RHBDL3: variants seen among roughly 807,000 people sequenced by gnomAD.
RHBDL3 encodes rhomboid like 3.
In RHBDL3, 28 loss-of-function variants were observed where a neutral mutation model predicts 48.2. The observed-to-expected ratio is 0.58, with a 90% CI of 0.43 to 0.80. The LOEUF is 0.80. Among genes scored for constraint, RHBDL3 ranks in the 30% least tolerant of loss-of-function variants. RHBDL3 has a pLI of 0.00. For missense variants in RHBDL3, 464 were observed against 542.7 expected, an observed-to-expected ratio of 0.85 and a Z score of 1.44; for synonymous variants, 208 against 232.3, an observed-to-expected ratio of 0.90 and a Z score of 0.95.
intron 3 of RHBDL3, chr17:32,288,479 T>A (rs1405394583): frequency 2.5e-5 from 9 of 360,532 alleles, no homozygotes; most frequent in Non-Finnish European, 3.6e-5. Flanking sequence ...GGAGCCTTAC[T>A]GAGTGTGAAC....
intron 2 of RHBDL3, among the ~76,000 whole-genome samples, chr17:32,269,887 C>G (rs893038260): frequency 1.3e-5 from 2 of 152,040 alleles, no homozygotes; most frequent in Non-Finnish European, 1.5e-5. Context: ...TTTTGGAACT[C>G]AAGGGAGCAG....
chr17:32,320,163 G>T (rs1268968914), intron 8 of RHBDL3, among the ~76,000 whole-genome samples: 1 of 151,916 alleles, frequency 6.6e-6, no homozygotes, highest in Non-Finnish European at 1.5e-5. Context: ...TGTAGTCCCA[G>T]CTACTTGGGA....
intron 6 of RHBDL3, among the ~76,000 whole-genome samples, chr17:32,302,416 GC>G (rs2040605318): frequency 1.3e-5 from 2 of 151,876 alleles, no homozygotes; most frequent in African/African-American, 4.8e-5. Context: ...GAGTGTAGTG[GC>G]ACGATCTCGG....
chr17:32,276,210 G>A (rs2039894965), intron 2 of RHBDL3, among the ~76,000 whole-genome samples: 1 of 152,056 alleles, frequency 6.6e-6, no homozygotes, highest in African/African-American at 2.4e-5. Context: ...TTCTCTATGG[G>A]ACAAACCAGA....
At chr17:32,294,050 C>T (rs1338946360) in intron 4 of RHBDL3, among the ~76,000 whole-genome samples, 3 of 151,888 alleles carry the variant, frequency 2.0e-5, no homozygotes, top group Admixed American at 2.0e-4. Context: ...ATCGCTTGAA[C>T]CCAGGAGGTG....
At chr17:32,300,041 C>A (rs1006212836) in intron 6 of RHBDL3, among the ~76,000 whole-genome samples, 1 of 152,200 alleles carries the variant, frequency 6.6e-6, no homozygotes, top group Non-Finnish European at 1.5e-5. Flanking sequence ...TTCATCCACA[C>A]AGCAACGCTA....
intron 2 of RHBDL3, among the ~76,000 whole-genome samples, chr17:32,273,248 C>A (rs546656910): frequency 6.6e-6 from 1 of 152,210 alleles, no homozygotes; most frequent in African/African-American, 2.4e-5. Flanking sequence ...GTGATTCACC[C>A]GCCTTGGCCT....
chr17:32,276,255 A>G (rs1421645704), intron 2 of RHBDL3, among the ~76,000 whole-genome samples: 2 of 152,112 alleles, frequency 1.3e-5, no homozygotes, highest in African/African-American at 2.4e-5. Context: ...CAAAAAAACA[A>G]AAAAAATTGT....
rs1325564799 is a variant in RHBDL3, at chr17:32,284,833, C to A, written c.294+16C>A. 14 of 1,610,088 alleles carry A rather than the reference C, an allele frequency of 8.7e-6. No individual in the cohort carries two copies. The highest frequency in any genetic ancestry group is 1.2e-5 in the Non-Finnish European group (14 of 1,177,210). ...TGTCAGCCTAGTGAGTGCTCTGGGGCCCTTGGTACTCGGGGGGACCTGTTT... is the reference window on the plus strand; with the variant it reads ...TGTCAGCCTAGTGAGTGCTCTGGGGACCTTGGTACTCGGGGGGACCTGTTT... On this transcript the variant is annotated intron_variant, in intron 3 of 8. Transcript: ENST00000269051.
intron 6 of RHBDL3, 35 bp from the exon 7 acceptor site, chr17:32,305,306 C>T (rs886775529): frequency 1.4e-6 from 2 of 1,470,184 alleles, no homozygotes; most frequent in Non-Finnish European, 9.5e-7. Flanking sequence ...CCGAGTCCCG[C>T]ACTCCTGAGA....
chr17:32,300,266 G>C (rs2040551721), intron 6 of RHBDL3, among the ~76,000 whole-genome samples: 1 of 152,248 alleles, frequency 6.6e-6, no homozygotes, highest in African/African-American at 2.4e-5. Context: ...AACCAAGGCA[G>C]ACCAGGTGCA....
At chr17:32,309,139 T>C (rs1025907857) in intron 7 of RHBDL3, among the ~76,000 whole-genome samples, 6 of 152,024 alleles carry the variant, frequency 3.9e-5, no homozygotes, top group African/African-American at 1.2e-4. Flanking sequence ...TTCTACCTAA[T>C]AGATATACTA....
At chr17:32,285,040 T>G (rs1340508503) in intron 3 of RHBDL3, among the ~76,000 whole-genome samples, 1 of 151,444 alleles carries the variant, frequency 6.6e-6, no homozygotes, top group Non-Finnish European at 1.5e-5. Context: ...CCTGGCAATT[T>G]CAGACCCTCC....
chr17:32,274,637 G>A (rs1312290609), intron 2 of RHBDL3, among the ~76,000 whole-genome samples: 2 of 152,174 alleles, frequency 1.3e-5, no homozygotes, highest in Admixed American at 6.5e-5. Context: ...GGTTGAGAGG[G>A]GAGGATGGTT....
At chr17:32,286,121 C>A (rs139469493) in intron 3 of RHBDL3, among the ~76,000 whole-genome samples, 2 of 152,110 alleles carry the variant, frequency 1.3e-5, no homozygotes, top group African/African-American at 4.8e-5. Flanking sequence ...TGACTTGGAA[C>A]CCAGCAGTGC....
chr17:32,303,431 G>A lies in RHBDL3; in HGVS notation c.782-1910G>A, dbSNP rs188270342. Among the ~76,000 whole-genome samples, 286 of 152,320 alleles carry A rather than the reference G, an allele frequency of 1.9e-3. 1 individual carries two copies. Among genetic ancestry groups the A allele is most frequent in the African/African-American group, 6.6e-3 (275 of 41,570 alleles). On this transcript the variant is annotated intron_variant, in intron 6 of 8. Transcript: ENST00000269051. ...GAGCGTGGGAAACCTTTGTCATGCA[G>A]ATCCTGCTGCCTGTTTGTTTGCCAC...
intron 7 of RHBDL3, among the ~76,000 whole-genome samples, chr17:32,308,386 C>T (rs1229573297): frequency 1.3e-5 from 2 of 152,018 alleles, no homozygotes; most frequent in African/African-American, 2.4e-5. Context: ...AGTTCAAGAC[C>T]AGCCTGGGCA....
In RHBDL3 at chr17:32,321,435, T is replaced by G; in HGVS notation, c.*206T>G. The G allele has an allele frequency of 3.4e-6, 5 of 1,460,442 alleles. No homozygotes were observed. Among genetic ancestry groups the G allele is most frequent in the Non-Finnish European group, 4.6e-6 (5 of 1,089,212 alleles). 90.5% of individuals were successfully genotyped at this position (1,460,442 alleles called of 1,614,324 possible). ...CTGGCGGAGGAGTTGATGTGGCTGCTGTCGTTTTTCTCGGCTGCTCTGATG... is the reference window on the plus strand; with the variant it reads ...CTGGCGGAGGAGTTGATGTGGCTGCGGTCGTTTTTCTCGGCTGCTCTGATG... On this transcript the variant is annotated 3_prime_UTR_variant, in exon 9 of 9. Coordinates refer to ENST00000269051, the MANE Select transcript of RHBDL3 (RefSeq NM_138328.3).
rs889611206 is a variant in RHBDL3 at position 32,321,438 on chromosome 17, C to G, written c.*209C>G. ...GCGGAGGAGTTGATGTGGCTGCTGT[C>G]GTTTTTCTCGGCTGCTCTGATGACA... On this transcript the variant is annotated 3_prime_UTR_variant, in exon 9 of 9. Transcript: ENST00000269051. 1 of 1,424,946 alleles carries G rather than the reference C, an allele frequency of 7.0e-7. No homozygotes were observed. The allele number at this position is 1,424,946 out of a possible 1,614,324, so 88.3% of individuals were successfully genotyped here. A position where few individuals can be genotyped will look rare whatever the true frequency, so the allele number is the denominator to read the frequency against.
Sources: allele counts gnomAD v4.1 joint callset (sites outside exome capture counted in the v4.1 genomes callset), GRCh38; gene constraint gnomAD v4.1.1; transcripts MANE v1.5; gene names NCBI Gene and HGNC (gene_info 2026-07-23, HGNC 2026-07-21).